MEI1: variants seen among roughly 807,000 people sequenced by gnomAD.
The protein encoded by MEI1 is meiotic double-stranded break formation protein 1, also known as meiosis inhibitor protein 1.
MEI1 carries 103 observed loss-of-function variants against 146.2 expected under a neutral mutation model. The observed-to-expected ratio is 0.70, with a 90% CI of 0.60 to 0.83. The LOEUF (loss-of-function observed/expected upper bound fraction) is 0.83, where lower values mean the gene tolerates loss of function less well. MEI1 is among the 40% of genes least tolerant of loss of function. MEI1 has a pLI of 0.00. For synonymous variants in MEI1, 652 were observed against 628.2 expected (o/e 1.04, Z -0.57); for missense variants, 1,529 against 1,533.0 (o/e 1.00, Z 0.04).
chr22:41,784,307 G>A (rs529264316), intron 24 of MEI1, 32 bp from the exon 25 acceptor site: 3 of 1,596,572 alleles, frequency 1.9e-6, no homozygotes, highest in South Asian at 1.1e-5. Context: ...TCCAGAACAT[G>A]GGGGTTAGCC....
At chr22:41,745,635 C>T (rs1462853617) in intron 13 of MEI1, among the ~76,000 whole-genome samples, 1 of 151,978 alleles carries the variant, frequency 6.6e-6, no homozygotes, top group Non-Finnish European at 1.5e-5. Flanking sequence ...ATGGCATATT[C>T]GGGGAAATAC....
At chr22:41,782,397 C>T (rs1481890232) in intron 24 of MEI1, among the ~76,000 whole-genome samples, 1 of 152,198 alleles carries the variant, frequency 6.6e-6, no homozygotes, top group African/African-American at 2.4e-5. Context: ...ACATGGTTAA[C>T]TGTCATTATT....
chr22:41,724,190 G>T, intron 7 of MEI1, 117 bp downstream of exon 7: 1 of 1,287,824 alleles, frequency 7.8e-7, no homozygotes. Flanking sequence ...TTCTTACTGG[G>T]CAAAATAATA....
rs571210565 is a variant in MEI1, at chr22:41,737,403, A to C, written c.1331+4800A>C. 3.3e-5 allele frequency among the ~76,000 whole-genome samples: 5 copies of C among 152,138 alleles called. No individual in the cohort carries two copies. In the East Asian group the frequency reaches 9.7e-4, roughly 29 times the overall value. On this transcript the variant is annotated intron_variant, in intron 11 of 30. Transcript: ENST00000401548. Reference sequence around the variant, plus strand: ...AGGCGCCCACCACCACGCCCAGCTAATTTTTAAAAATATTTTTAGTAGAGA... The same window carrying C: ...AGGCGCCCACCACCACGCCCAGCTACTTTTTAAAAATATTTTTAGTAGAGA...
intron 15 of MEI1, among the ~76,000 whole-genome samples, chr22:41,748,923 G>A (rs5758452): frequency 0.64 from 96,956 of 151,712 alleles, 34,088 homozygotes; most frequent in East Asian, 0.92. Context: ...CTGTTTCAGC[G>A]TCCTGATTAG....
Position 41,793,847 on chromosome 22 carries a change from C to T in MEI1, c.3364C>T (p.Gln1122Ter), listed in dbSNP as rs762206202. ...LLVQKDPLLS[Q>*]ACVGCLEALL... ...TCTGCAGAAGGACCCTCTATTGTCCCAGGCCTGTGTTGGCTGCCTGGAGGC... is the reference window on the plus strand; with the variant it reads ...TCTGCAGAAGGACCCTCTATTGTCCTAGGCCTGTGTTGGCTGCCTGGAGGC... The change falls in exon 27 of 31, where the codon CAG becomes TAG. Residue 1122 changes from glutamine (Q) to a stop codon, truncating the protein, a stop_gained. Coordinates refer to ENST00000401548, the MANE Select transcript of MEI1 (RefSeq NM_152513.4). LOFTEE classifies it high-confidence loss of function. 1.2e-6 allele frequency: 2 copies of T among 1,610,958 alleles called. No individual in the cohort carries two copies. The highest frequency in any genetic ancestry group is 1.1e-5 in the South Asian group (1 of 90,618).
At chr22:41,798,729 A>G (rs1411763738) in intron 30 of MEI1, among the ~76,000 whole-genome samples, 1 of 146,932 alleles carries the variant, frequency 6.8e-6, no homozygotes, top group Admixed American at 6.7e-5. Flanking sequence ...TTAGCCGGGC[A>G]TGGTGGTGCA....
At chr22:41,759,556 G>T in intron 18 of MEI1, 1 of 152,188 alleles carries the variant, frequency 6.6e-6, no homozygotes, top group Non-Finnish European at 1.5e-5. Flanking sequence ...TGTGAACCCG[G>T]GAGGCAGAGC....
In MEI1 at chr22:41,730,591, C is replaced by T; in HGVS notation, c.1050C>T (p.Leu350=). The T allele has an allele frequency of 6.2e-7, 1 of 1,613,874 alleles. No individual in the cohort carries two copies. Among genetic ancestry groups the T allele is most frequent in the East Asian group, 2.2e-5 (1 of 44,876 alleles). Residue 350 remains leucine, a synonymous_variant, in exon 9 of 31, where the codon CTC becomes CTT. Transcript: ENST00000401548. The part of the protein sequence containing the change: ...LVWSSCNCLT[L]LVEEPLFFSK... ...GGTCCAGCTGTAACTGCTTGACACT[C>T]CTGGTAGAAGAGCCACTCTTTTTTT...
chr22:41,775,590 T>C (rs2075395797), intron 20 of MEI1, among the ~76,000 whole-genome samples: 1 of 150,772 alleles, frequency 6.6e-6, no homozygotes, highest in African/African-American at 2.5e-5. Context: ...AGGATGGACC[T>C]ATTCTTTTTT....
At chr22:41,700,207 C>T (rs764851250) in intron 1 of MEI1, among the ~76,000 whole-genome samples, 1 of 152,158 alleles carries the variant, frequency 6.6e-6, no homozygotes, top group South Asian at 2.1e-4. Flanking sequence ...GTCTGGGCTC[C>T]GAGGGGACAG....
intron 26 of MEI1, among the ~76,000 whole-genome samples, chr22:41,789,173 G>C (rs1265547574): frequency 2.0e-5 from 3 of 152,062 alleles, no homozygotes; most frequent in African/African-American, 7.2e-5. Context: ...TTAGCCGGGC[G>C]TGGTGGCGCG....
At chr22:41,775,500 T>G (rs1190088228) in intron 20 of MEI1, among the ~76,000 whole-genome samples, 1 of 152,204 alleles carries the variant, frequency 6.6e-6, no homozygotes, top group Non-Finnish European at 1.5e-5. Context: ...AAATTCTGTC[T>G]GTGCCACTGG....
chr22:41,738,410 A>G (rs1305155819), intron 11 of MEI1, among the ~76,000 whole-genome samples: 1 of 152,194 alleles, frequency 6.6e-6, no homozygotes, highest in Non-Finnish European at 1.5e-5. Context: ...AACGTGGTTC[A>G]TCCCCGTTTC....
intron 20 of MEI1, 74 bp from the exon 21 acceptor site, chr22:41,776,028 C>T (rs973097118): frequency 1.4e-6 from 2 of 1,464,400 alleles, no homozygotes; most frequent in African/African-American, 1.4e-5. Context: ...CTTTTCCTGC[C>T]CCTCTATTCC....
intron 6 of MEI1, among the ~76,000 whole-genome samples, chr22:41,718,557 TC>T (rs1447307682): frequency 2.0e-5 from 3 of 152,228 alleles, no homozygotes; most frequent in Non-Finnish European, 4.4e-5. Flanking sequence ...GGCAAGTTAA[TC>T]TTTACATTGT....
At chr22:41,734,763 G>A (rs552417201) in intron 11 of MEI1, among the ~76,000 whole-genome samples, 4 of 146,198 alleles carry the variant, frequency 2.7e-5, no homozygotes, top group South Asian at 4.4e-4. Flanking sequence ...TCAGCCTCCC[G>A]AGTAGCTGGG....
intron 2 of MEI1, 133 bp from the exon 3 acceptor site, chr22:41,705,371 C>T (rs1277914881): frequency 1.2e-5 from 9 of 769,148 alleles, no homozygotes; most frequent in South Asian, 5.7e-5. Flanking sequence ...AGGGTTTCGC[C>T]ATATTGGTCA....
intron 3 of MEI1, among the ~76,000 whole-genome samples, chr22:41,706,587 GCCTGTAGT>G (rs752583077): frequency 9.2e-5 from 14 of 152,144 alleles, no homozygotes; most frequent in Non-Finnish European, 1.6e-4. Context: ...GGTACAACAT[GCCTGTAGT>G]CCTAGCTACT....
Sources: allele counts gnomAD v4.1 joint callset (sites outside exome capture counted in the v4.1 genomes callset), GRCh38; gene constraint gnomAD v4.1.1; transcripts MANE v1.5; gene names NCBI Gene and HGNC (gene_info 2026-07-23, HGNC 2026-07-21).